RCBTB2: variants seen among roughly 807,000 people sequenced by gnomAD.
RCBTB2 encodes the protein RCC1 and BTB domain containing protein 2, also known as RCC1 and BTB domain-containing protein 2.
A neutral mutation model predicts 65.4 loss-of-function variants in RCBTB2; 55 were observed. The ratio of observed to expected loss-of-function variants is 0.84; its 90% CI spans 0.68 to 1.05. The LOEUF is 1.05. Among genes scored for constraint, RCBTB2 ranks in the 50% least tolerant of loss-of-function variants. RCBTB2 has a pLI of 0.00. For synonymous variants in RCBTB2, 220 were observed against 255.2 expected, an observed-to-expected ratio of 0.86 and a Z score of 1.31; for missense variants, 599 against 680.1, an observed-to-expected ratio of 0.88 and a Z score of 1.33.
chr13:48,491,817 C>A (rs1166390555), intron 14 of RCBTB2: 1 of 152,158 alleles, frequency 6.6e-6, no homozygotes, highest in African/African-American at 2.4e-5. Context: ...AGAGTGGGAT[C>A]TTCCCCTAAA....
chr13:48,506,202 A>C (rs949656529), intron 10 of RCBTB2, among the ~76,000 whole-genome samples: 1 of 152,254 alleles, frequency 6.6e-6, no homozygotes, highest in Non-Finnish European at 1.5e-5. Flanking sequence ...GGCAGAGAGC[A>C]GCATCGTACA....
chr13:48,501,533 G>C (rs556951506), intron 12 of RCBTB2, among the ~76,000 whole-genome samples: 1 of 152,206 alleles, frequency 6.6e-6, no homozygotes, highest in African/African-American at 2.4e-5. Context: ...CAAGCCTAAG[G>C]AACGCCTATG....
Position 48,499,652 on chromosome 13 carries a change from G to A in RCBTB2, c.1353C>T (p.Asp451=), listed in dbSNP as rs1950143438. Reference sequence around the variant, plus strand: ...CCTCCTCAGGAGAAAGGCTGATGCTGTCTGTGTATAGGTATTCCAGGAAGG... The same window carrying A: ...CCTCCTCAGGAGAAAGGCTGATGCTATCTGTGTATAGGTATTCCAGGAAGG... ...YRAFLEYLYT[D]SISLSPEEAV... The change falls in exon 13 of 15, where the codon GAC becomes GAT. Residue 451 remains aspartate (D), a synonymous_variant. Coordinates refer to ENST00000344532, the MANE Select transcript of RCBTB2 (RefSeq NM_001268.4). The A allele has an allele frequency of 1.2e-6, 2 of 1,614,152 alleles. No homozygotes were observed. The highest frequency in any genetic ancestry group is 1.7e-6 in the Non-Finnish European group (2 of 1,180,020).
chr13:48,507,432 GT>G (rs1950560042), intron 10 of RCBTB2, among the ~76,000 whole-genome samples: 1 of 152,184 alleles, frequency 6.6e-6, no homozygotes, highest in African/African-American at 2.4e-5. Context: ...CTGTCAGGAT[GT>G]CTGGCGTATT....
chr13:48,509,921 C>A (rs540929378), intron 10 of RCBTB2, among the ~76,000 whole-genome samples: 3 of 152,178 alleles, frequency 2.0e-5, no homozygotes, highest in South Asian at 2.1e-4. Context: ...TGACTGCAAC[C>A]CTGGTTTAAA....
At chr13:48,535,636 A>G (rs1193365467), upstream of RCBTB2, 4 of 456,312 alleles carry the variant, frequency 8.8e-6, no homozygotes, top group African/African-American at 4.0e-5. Context: ...AAAGTCACCA[A>G]TGACCTCAGA....
chr13:48,531,612 G>A (rs1370735503), intron 1 of RCBTB2, among the ~76,000 whole-genome samples: 8 of 152,242 alleles, frequency 5.3e-5, no homozygotes, highest in Non-Finnish European at 5.9e-5. Context: ...GGCGAGCCCA[G>A]CAAGAGCAAT....
chr13:48,492,105 A>G (rs1338167261), intron 14 of RCBTB2, among the ~76,000 whole-genome samples: 2 of 152,078 alleles, frequency 1.3e-5, no homozygotes, highest in Non-Finnish European at 2.9e-5. Flanking sequence ...CATAAGCCTG[A>G]CATCTCCCCT....
intron 1 of RCBTB2, among the ~76,000 whole-genome samples, chr13:48,529,252 C>CA (rs534958565): frequency 5.3e-5 from 8 of 150,914 alleles, no homozygotes; most frequent in East Asian, 1.9e-4. Flanking sequence ...TCCAATTTTT[C>CA]AAAAAAAAAT....
At chr13:48,532,745 G>A (rs1952229282) in intron 1 of RCBTB2, 1 of 300,862 alleles carries the variant, frequency 3.3e-6, no homozygotes, top group East Asian at 1.5e-4. Flanking sequence ...GCCCACGCCA[G>A]CGGAATTGCG....
chr13:48,512,250 T>A, intron 7 of RCBTB2, 76 bp from the exon 8 acceptor site: 1 of 1,293,404 alleles, frequency 7.7e-7, no homozygotes, highest in Non-Finnish European at 1.1e-6. Flanking sequence ...CATGTACTTG[T>A]GGCACCGAGT....
At chr13:48,505,063 T>C (rs2138485103) in intron 10 of RCBTB2, among the ~76,000 whole-genome samples, 1 of 151,980 alleles carries the variant, frequency 6.6e-6, no homozygotes, top group African/African-American at 2.4e-5. Flanking sequence ...TTTTTTTTTT[T>C]TTCTTGCAGC....
Position 48,489,807 on chromosome 13 carries a change from C to G in RCBTB2, c.*304G>C. 2.6e-6 allele frequency: 1 copy of G among 377,890 alleles called. No homozygotes were observed. The highest frequency in any genetic ancestry group is 4.9e-6 in the Non-Finnish European group (1 of 204,238). The allele number at this position is 377,890 out of a possible 1,614,324, so 23.4% of individuals were successfully genotyped here. ...TAATGGAACATTTGGGCCAGAATAGCATATACTGAGACCAGGGTACCAAAG... is the reference window on the plus strand; with the variant it reads ...TAATGGAACATTTGGGCCAGAATAGGATATACTGAGACCAGGGTACCAAAG... On this transcript the variant is annotated 3_prime_UTR_variant, in exon 15 of 15. Transcript: ENST00000344532.
chr13:48,511,727 G>C, intron 9 of RCBTB2, 43 bp downstream of exon 9: 2 of 1,520,498 alleles, frequency 1.3e-6, no homozygotes, highest in Non-Finnish European at 1.8e-6. Context: ...CTTTGCCAGC[G>C]AAGACTTAAA....
chr13:48,516,699 T>C (rs200179900), intron 4 of RCBTB2, among the ~76,000 whole-genome samples: 1 of 152,174 alleles, frequency 6.6e-6, no homozygotes, highest in East Asian at 1.9e-4. Context: ...CTTCAACACA[T>C]AAATGTTGCA....
intron 10 of RCBTB2, among the ~76,000 whole-genome samples, chr13:48,508,782 C>T (rs1950632762): frequency 6.6e-6 from 1 of 152,186 alleles, no homozygotes. Flanking sequence ...CTCCCAATGT[C>T]CAGTTAAGCA....
chr13:48,514,694 A>C (rs1950988010), intron 6 of RCBTB2, among the ~76,000 whole-genome samples: 1 of 152,256 alleles, frequency 6.6e-6, no homozygotes, highest in South Asian at 2.1e-4. Flanking sequence ...GAATTAAACT[A>C]CAAATCCATG....
intron 13 of RCBTB2, among the ~76,000 whole-genome samples, chr13:48,498,973 A>G (rs1950100194): frequency 6.6e-6 from 1 of 151,914 alleles, no homozygotes; most frequent in South Asian, 2.1e-4. Context: ...TCTTTTCAAT[A>G]CTTCCACTGC....
chr13:48,491,313 A>G (rs1251632080), intron 14 of RCBTB2, among the ~76,000 whole-genome samples: 1 of 152,202 alleles, frequency 6.6e-6, no homozygotes, highest in East Asian at 1.9e-4. Context: ...TCTTTTAAGA[A>G]AAGAAAGAAA....
Sources: allele counts gnomAD v4.1 joint callset (sites outside exome capture counted in the v4.1 genomes callset), GRCh38; gene constraint gnomAD v4.1.1; transcripts MANE v1.5; gene names NCBI Gene and HGNC (gene_info 2026-07-23, HGNC 2026-07-21).